HSPA14: variants seen among roughly 807,000 people sequenced by gnomAD.
HSPA14 encodes the protein heat shock 70 kDa protein 14.
HSPA14 carries 37 observed loss-of-function variants against 65.5 expected under a neutral mutation model. The ratio of observed to expected loss-of-function variants is 0.56; its 90% CI spans 0.43 to 0.74. The LOEUF (loss-of-function observed/expected upper bound fraction) is 0.74. HSPA14 is among the 30% of genes least tolerant of loss of function. HSPA14 has a pLI of 0.00. For synonymous variants in HSPA14, 203 were observed against 214.2 expected (o/e 0.95, Z 0.46); for missense variants, 564 against 607.6 (o/e 0.93, Z 0.75).
intron 3 of HSPA14, among the ~76,000 whole-genome samples, chr10:14,847,691 A>G (rs1232822510): frequency 2.6e-5 from 4 of 152,222 alleles, no homozygotes; most frequent in Admixed American, 2.6e-4. Context: ...TTCAGCAATT[A>G]GCCACTATTA....
At position 14,842,489 on chromosome 10, in the gene HSPA14, C is replaced by A. The variant is rs1189435948; in HGVS notation, c.221+2332C>A. On this transcript the variant is annotated intron_variant, in intron 3 of 13. Coordinates refer to ENST00000378372, the MANE Select transcript of HSPA14 (RefSeq NM_016299.4). This position sits in a 1 kb window ranked among gnomAD's most constrained non-coding sequence, Gnocchi z 5.2. ...TCAGTGCCGCTCCAAGTTTAAAGTTCTGAAGGCATTATATTTAAAGGCCTA... is the reference window on the plus strand; with the variant it reads ...TCAGTGCCGCTCCAAGTTTAAAGTTATGAAGGCATTATATTTAAAGGCCTA... 3.9e-6 allele frequency: 6 copies of A among 1,536,038 alleles called. No homozygotes were observed. The highest frequency in any genetic ancestry group is 1.2e-5 in the South Asian group (1 of 84,056).
chr10:14,870,735 ATTTT>A (rs899573715), intron 13 of HSPA14, 68 bp downstream of exon 13: 4 of 1,322,744 alleles, frequency 3.0e-6, no homozygotes, highest in Non-Finnish European at 3.1e-6. Context: ...GAGTTTATTG[ATTTT>A]TTTATTTATT....
chr10:14,855,603 C>T (rs1271647087), intron 9 of HSPA14, among the ~76,000 whole-genome samples: 3 of 152,078 alleles, frequency 2.0e-5, no homozygotes, highest in Non-Finnish European at 4.4e-5. Flanking sequence ...TTGATATTAT[C>T]TTCATATATA....
At chr10:14,858,580 C>G (rs1338045779) in intron 10 of HSPA14, among the ~76,000 whole-genome samples, 1 of 152,124 alleles carries the variant, frequency 6.6e-6, no homozygotes, top group Non-Finnish European at 1.5e-5. Context: ...GCCACAGGAG[C>G]AGCTGCCTGG....
chr10:14,846,875 A>G, intron 3 of HSPA14: 1 of 985,410 alleles, frequency 1.0e-6, no homozygotes, highest in African/African-American at 1.7e-5. Flanking sequence ...ATACACAACC[A>G]TAGGATTAAC....
intron 13 of HSPA14, 51 bp downstream of exon 13, chr10:14,870,718 A>C: frequency 7.0e-7 from 1 of 1,430,644 alleles, no homozygotes; most frequent in Non-Finnish European, 9.4e-7. Flanking sequence ...ATACTTGACC[A>C]TTTTTTGAGT....
chr10:14,844,379 G>T (rs1385396443), intron 3 of HSPA14: 10 of 1,001,066 alleles, frequency 1.0e-5, no homozygotes, highest in Admixed American at 1.0e-4. Flanking sequence ...CAGAAGTATG[G>T]ATATATACTG....
chr10:14,855,175 A>G (rs1285201063), intron 9 of HSPA14, among the ~76,000 whole-genome samples: 1 of 152,208 alleles, frequency 6.6e-6, no homozygotes, highest in Non-Finnish European at 1.5e-5. Flanking sequence ...TGCCTTTGTC[A>G]CAAAGATTTC....
At chr10:14,859,423 C>G (rs1472414441) in intron 10 of HSPA14, among the ~76,000 whole-genome samples, 2 of 152,210 alleles carry the variant, frequency 1.3e-5, no homozygotes, top group African/African-American at 4.8e-5. Flanking sequence ...TTTCCAGCTT[C>G]CAAAATTTGT....
intron 5 of HSPA14, 192 bp from the exon 6 acceptor site, chr10:14,849,529 T>C: frequency 1.5e-6 from 1 of 676,340 alleles, no homozygotes; most frequent in South Asian, 1.5e-5. Context: ...TGTCCAAATA[T>C]ATCACCAAAA....
intron 12 of HSPA14, among the ~76,000 whole-genome samples, chr10:14,869,499 T>C (rs1178873156): frequency 1.3e-5 from 2 of 152,032 alleles, no homozygotes; most frequent in Non-Finnish European, 2.9e-5. Flanking sequence ...TTCACTGTGT[T>C]GACCAGGCTG....
intron 3 of HSPA14, chr10:14,846,502 A>G: frequency 1.0e-6 from 1 of 985,356 alleles, no homozygotes. Flanking sequence ...GGGGAGGGAA[A>G]TTGGAATACA....
intron 9 of HSPA14, among the ~76,000 whole-genome samples, chr10:14,855,502 T>C (rs919590902): frequency 3.3e-5 from 5 of 152,154 alleles, no homozygotes; most frequent in African/African-American, 1.2e-4. Flanking sequence ...AGGTTTATTG[T>C]TGGGAATGCT....
rs1588810562 is a variant in HSPA14 at position 14,848,712 on chromosome 10, T to C, written c.270+55T>C. 4 of 1,472,688 alleles carry C rather than the reference T, an allele frequency of 2.7e-6. No individual in the cohort carries two copies. In the East Asian group the frequency reaches 6.8e-5, roughly 25 times the overall value. The allele number at this position is 1,472,688 out of a possible 1,614,324, so 91.2% of individuals were successfully genotyped here. On this transcript the variant is annotated intron_variant, in intron 4 of 13. Coordinates refer to ENST00000378372, the MANE Select transcript of HSPA14 (RefSeq NM_016299.4). ...TTACATAGAGTAATTACCAAGGTGA[T>C]AACATGGAATGTTGATTTGAAACTT... is the stretch of plus-strand genomic sequence containing the variant.
At chr10:14,869,038 G>T (rs1832831417) in intron 12 of HSPA14, among the ~76,000 whole-genome samples, 1 of 151,934 alleles carries the variant, frequency 6.6e-6, no homozygotes, top group Admixed American at 6.6e-5. Context: ...AGTAGAGACA[G>T]GGTTTCACCG....
At chr10:14,840,944 G>A (rs1250892963) in intron 3 of HSPA14, among the ~76,000 whole-genome samples, 1 of 152,122 alleles carries the variant, frequency 6.6e-6, no homozygotes, top group East Asian at 1.9e-4. Context: ...ATCCTAGGGG[G>A]TAAACTGGGT....
intron 10 of HSPA14, among the ~76,000 whole-genome samples, chr10:14,864,620 T>TG (rs2131647433): frequency 6.6e-6 from 1 of 152,304 alleles, no homozygotes; most frequent in Non-Finnish European, 1.5e-5. Context: ...CTGAGAATGA[T>TG]GGTTTCCAGC....
At chr10:14,846,918 C>G (rs1003987162) in intron 3 of HSPA14, 2 of 985,168 alleles carry the variant, frequency 2.0e-6, no homozygotes, top group African/African-American at 3.5e-5. Flanking sequence ...AAATAAGGTG[C>G]TATGTATACC....
At chr10:14,848,587 C>CT in intron 3 of HSPA14, 22 bp from the exon 4 acceptor site, 1 of 1,585,858 alleles carries the variant, frequency 6.3e-7, no homozygotes, top group Non-Finnish European at 8.6e-7. Context: ...ACTTAGCTAT[C>CT]TTTATCTTTC....
Sources: allele counts gnomAD v4.1 joint callset (sites outside exome capture counted in the v4.1 genomes callset), GRCh38; gene constraint gnomAD v4.1.1; non-coding constraint Gnocchi (gnomAD v3.1); transcripts MANE v1.5; gene names NCBI Gene and HGNC (gene_info 2026-07-23, HGNC 2026-07-21).